TEX15: variants seen among roughly 807,000 people sequenced by gnomAD.
The protein encoded by TEX15 is testis-expressed protein 15.
In TEX15, 171 loss-of-function variants were observed where a neutral mutation model predicts 237.3. The ratio of observed to expected loss-of-function variants is 0.72; its 90% CI spans 0.64 to 0.82. The LOEUF is 0.82. Ranked by LOEUF, TEX15 falls within the 40% of genes least tolerant of loss-of-function variation. The pLI, the probability that TEX15 is intolerant of heterozygous loss-of-function variation, is 0.00. For synonymous variants in TEX15, 1,338 were observed against 1,269.8 expected, an observed-to-expected ratio of 1.05 and a Z score of -1.14; for missense variants, 3,750 against 3,646.5, an observed-to-expected ratio of 1.03 and a Z score of -0.73.
At chr8:30,841,870 T>C (rs569201806) in intron 8 of TEX15, 134 bp downstream of exon 8, 3 of 560,336 alleles carry the variant, frequency 5.4e-6, no homozygotes, top group South Asian at 3.3e-5. Context: ...ATCAATATTA[T>C]AGTTAGTAAA....
In TEX15 at chr8:30,845,360, C is replaced by G. The variant is rs371854155; in HGVS notation, c.4807G>C (p.Glu1603Gln). 6.2e-7 allele frequency: 1 copy of G among 1,611,660 alleles called. No individual in the cohort carries two copies. Among genetic ancestry groups the G allele is most frequent in the South Asian group, 1.1e-5 (1 of 90,910 alleles). ...ACTTCATTAGCGTCACAACTGTTTT[C>G]TTTAGTTGCATCTTTAACATTATGA... ...ANHNVKDATK[E>Q]NSCDANEVIN... Residue 1603 changes from glutamate to glutamine, a missense_variant, in exon 8 of 11, where the codon GAA becomes CAA. Glu to Gln is a conservative substitution (Grantham distance 29). Coordinates refer to ENST00000643185, the MANE Select transcript of TEX15 (RefSeq NM_001350162.2).
chr8:30,834,712 G>A (rs1807253910), intron 10 of TEX15, among the ~76,000 whole-genome samples: 1 of 152,188 alleles, frequency 6.6e-6, no homozygotes, highest in East Asian at 1.9e-4. Context: ...GAATGCAGAG[G>A]TGGAAGTGGT....
At chr8:30,838,746 GTA>G in intron 9 of TEX15, among the ~76,000 whole-genome samples, 1 of 111,406 alleles carries the variant, frequency 9.0e-6, no homozygotes, top group Admixed American at 8.9e-5. Flanking sequence ...ACACACATAT[GTA>G]TGTGTATGTG....
At chr8:30,900,608 G>A (rs1330397097) in intron 1 of TEX15, among the ~76,000 whole-genome samples, 1 of 152,196 alleles carries the variant, frequency 6.6e-6, no homozygotes, top group Non-Finnish European at 1.5e-5. Context: ...AAGGAAATAT[G>A]CATGAAGATG....
intron 4 of TEX15, among the ~76,000 whole-genome samples, chr8:30,868,626 T>C (rs1169381878): frequency 2.0e-5 from 3 of 152,022 alleles, no homozygotes; most frequent in South Asian, 2.1e-4. Flanking sequence ...GATTAGATAA[T>C]GATCACTTCT....
intron 10 of TEX15, among the ~76,000 whole-genome samples, chr8:30,836,122 T>C (rs78137023): frequency 6.6e-6 from 1 of 151,672 alleles, no homozygotes; most frequent in Non-Finnish European, 1.5e-5. Flanking sequence ...TCCACATTTA[T>C]GTAGGTAAGT....
intron 1 of TEX15, among the ~76,000 whole-genome samples, chr8:30,908,433 C>T (rs747332004): frequency 2.0e-5 from 3 of 152,076 alleles, no homozygotes; most frequent in Non-Finnish European, 4.4e-5. Flanking sequence ...CTATGTATAT[C>T]GAGAAAATAT....
chr8:30,864,583 T>A (rs1331870724), intron 5 of TEX15, among the ~76,000 whole-genome samples: 9 of 98,162 alleles, frequency 9.2e-5, no homozygotes, highest in Admixed American at 2.3e-4. Context: ...CCTTCAGAAA[T>A]GAAGAAGAAA....
chr8:30,874,139 A>C (rs1808352640), intron 4 of TEX15, among the ~76,000 whole-genome samples: 1 of 152,190 alleles, frequency 6.6e-6, no homozygotes, highest in African/African-American at 2.4e-5. Flanking sequence ...AAATTCTGTC[A>C]TTCCCATTAA....
Position 30,845,307 on chromosome 8 carries a change from T to TA in TEX15, c.4859dup (p.Leu1620PhefsTer11). 1 of 1,613,088 alleles carries TA rather than the reference T, an allele frequency of 6.2e-7. No individual in the cohort carries two copies. The highest frequency in any genetic ancestry group is 2.2e-5 in the East Asian group (1 of 44,870). ...AATTTATGTTTTCTTTTATGCAACT[T>TA]AAAGATACAGAATTACTTTCATTTA... On this transcript the variant is annotated frameshift_variant, in exon 8 of 11. Transcript: ENST00000643185. LOFTEE classifies it high-confidence loss of function.
intron 2 of TEX15, among the ~76,000 whole-genome samples, chr8:30,895,676 CTTTTTTTTTTTTTT>C (rs34002027): frequency 1.7e-5 from 1 of 60,060 alleles, no homozygotes; most frequent in Non-Finnish European, 2.7e-5. Context: ...TAAACACATG[CTTTTTTTTTTTTTT>C]TTTTTTTTTT....
chr8:30,874,882 T>G, intron 4 of TEX15, 55 bp downstream of exon 4: 1 of 1,076,972 alleles, frequency 9.3e-7, no homozygotes, highest in Non-Finnish European at 1.2e-6. Flanking sequence ...AGCATAAAAC[T>G]CCATAGTAAC....
Position 30,846,374 on chromosome 8 carries a change from G to A in TEX15, c.3793C>T (p.Pro1265Ser), listed in dbSNP as rs1405737270. 1.6e-5 allele frequency: 26 copies of A among 1,613,254 alleles called. No homozygotes were observed. Among genetic ancestry groups the A allele is most frequent in the Non-Finnish European group, 2.2e-5 (26 of 1,179,662 alleles). Residue 1265 changes from proline (P) to serine (S), a missense_variant, in exon 8 of 11, where the codon CCT (proline) becomes TCT (serine). Pro to Ser is a moderately conservative substitution (Grantham distance 74, BLOSUM62 -1). Transcript: ENST00000643185. ...NQNSESLFTE[P>S]SNVTTIDDGS... Reference sequence around the variant, plus strand: ...TCATCTATTGTTGTGACATTAGAAGGTTCAGTAAACAAAGATTCACTGTTC... The same window carrying A: ...TCATCTATTGTTGTGACATTAGAAGATTCAGTAAACAAAGATTCACTGTTC...
chr8:30,871,406 G>T (rs1046283922), intron 4 of TEX15, among the ~76,000 whole-genome samples: 7 of 152,010 alleles, frequency 4.6e-5, no homozygotes, highest in African/African-American at 1.7e-4. Flanking sequence ...CTCCCATGAT[G>T]GTCACAAGAA....
At chr8:30,850,723 AT>A (rs962025592) in intron 7 of TEX15, among the ~76,000 whole-genome samples, 2 of 152,200 alleles carry the variant, frequency 1.3e-5, no homozygotes, top group African/African-American at 4.8e-5. Flanking sequence ...AGAAAAAAAA[AT>A]GAATGGATGT....
Position 30,857,875 on chromosome 8 carries a change from TA to T in TEX15, c.850+792del, listed in dbSNP as rs374061476. ...CATTAGACTGGCAGAAACAAAACTT[TA>T]AAAAAAAGCATAGTATGTGTTGACA... is the stretch of plus-strand genomic sequence containing the variant. On this transcript the variant is annotated intron_variant, in intron 7 of 10. Transcript: ENST00000643185. 4.2e-3 allele frequency among the ~76,000 whole-genome samples: 644 copies of T among 151,986 alleles called. 8 individuals carry two copies. The highest frequency in any genetic ancestry group is 0.015 in the African/African-American group (617 of 41,492).
At chr8:30,899,389 C>T (rs1486707194) in intron 1 of TEX15, among the ~76,000 whole-genome samples, 1 of 152,096 alleles carries the variant, frequency 6.6e-6, no homozygotes, top group East Asian at 1.9e-4. Flanking sequence ...TTTTCAAGTC[C>T]AGGCCTGATG....
chr8:30,874,153 C>T lies in TEX15; in HGVS notation c.302+784G>A, dbSNP rs1046703610. Reference sequence around the variant, plus strand: ...CAAATTCTGTCATTCCCATTAATTCCAAATCTCCAGACACCAAGTGTGGCA... The same window carrying T: ...CAAATTCTGTCATTCCCATTAATTCTAAATCTCCAGACACCAAGTGTGGCA... On this transcript the variant is annotated intron_variant, in intron 4 of 10. Transcript: ENST00000643185. Among the ~76,000 whole-genome samples the T allele has an allele frequency of 6.6e-5, 10 of 152,154 alleles. No individual in the cohort carries two copies. The East Asian group carries it at 1.9e-3, about 29-fold the overall frequency.
At chr8:30,858,460 C>A (rs1002539983) in intron 7 of TEX15, among the ~76,000 whole-genome samples, 4 of 152,000 alleles carry the variant, frequency 2.6e-5, no homozygotes, top group African/African-American at 9.7e-5. Context: ...TACAGGCACA[C>A]AACACCACAC....
Sources: gnomAD v4.1 joint callset for allele counts (sites outside exome capture counted in the v4.1 genomes callset) on GRCh38, gnomAD v4.1.1 for gene constraint, MANE v1.5 for transcripts, NCBI Gene and HGNC (gene_info 2026-07-23, HGNC 2026-07-21) for gene names.